PAPSS1: variants seen among roughly 807,000 people sequenced by gnomAD.
PAPSS1 encodes bifunctional 3'-phosphoadenosine 5'-phosphosulfate synthase 1.
In PAPSS1, 50 loss-of-function variants were observed where a neutral mutation model predicts 72.0. That is an observed-to-expected ratio of 0.69 (90% CI 0.55 to 0.88). PAPSS1 has a LOEUF of 0.88. PAPSS1 is among the 40% of genes least tolerant of loss of function. The pLI is 0.00. For synonymous variants in PAPSS1, 261 were observed against 263.6 expected (o/e 0.99, Z 0.09); for missense variants, 657 against 782.2 (o/e 0.84, Z 1.91).
intron 1 of PAPSS1, among the ~76,000 whole-genome samples, chr4:107,705,296 G>A (rs1356480149): frequency 6.6e-6 from 1 of 152,188 alleles, no homozygotes; most frequent in Non-Finnish European, 1.5e-5. Context: ...ATGTGTGGAG[G>A]GAGCGACATG....
chr4:107,652,783 T>C lies in PAPSS1; in HGVS notation c.1237+708A>G, dbSNP rs372861262. 5.9e-5 allele frequency among the ~76,000 whole-genome samples: 9 copies of C among 152,234 alleles called. No homozygotes were observed. The East Asian group carries it at 9.6e-4, about 16-fold the overall frequency. ...TGATTCTTCCTTGTTAAGTTTCTTT[T>C]ACTTCTGTAATTCTATACCAAAAAT... On this transcript the variant is annotated intron_variant, in intron 9 of 11. Transcript: ENST00000265174.
Position 107,684,743 on chromosome 4 carries a change from A to G in PAPSS1, c.550+2296T>C, listed in dbSNP as rs542213300. 1.8e-4 allele frequency among the ~76,000 whole-genome samples: 27 copies of G among 152,086 alleles called. No individual in the cohort carries two copies. The East Asian group carries it at 2.9e-3, about 16-fold the overall frequency. On this transcript the variant is annotated intron_variant, in intron 4 of 11. Transcript: ENST00000265174. ...GCACCACCTGGCTTTGAGTTGTCCC[A>G]CCTTTCTGGACCAAACCAATGTATT...
chr4:107,690,473 C>T (rs1036665820), intron 3 of PAPSS1, among the ~76,000 whole-genome samples: 1 of 152,168 alleles, frequency 6.6e-6, no homozygotes, highest in Non-Finnish European at 1.5e-5. Flanking sequence ...CTCATAACAC[C>T]TTTCACATAT....
At chr4:107,671,260 GTT>G (rs892537497) in intron 5 of PAPSS1, among the ~76,000 whole-genome samples, 1 of 142,924 alleles carries the variant, frequency 7.0e-6, no homozygotes, top group Admixed American at 7.0e-5. Flanking sequence ...TCAAAATCAA[GTT>G]TTTTTTTTTC....
chr4:107,638,385 A>G (rs1450362294), intron 10 of PAPSS1, among the ~76,000 whole-genome samples: 1 of 152,190 alleles, frequency 6.6e-6, no homozygotes, highest in South Asian at 2.1e-4. Flanking sequence ...ATTTCCCCAA[A>G]ATTTCCTTTA....
chr4:107,613,925 G>T lies in PAPSS1; in HGVS notation c.*324C>A. ...AAGGGGAAAAAAAGCAAGATTTAATGTGAATACTACTGGTTACAACTAATA... is the reference window on the plus strand; with the variant it reads ...AAGGGGAAAAAAAGCAAGATTTAATTTGAATACTACTGGTTACAACTAATA... On this transcript the variant is annotated 3_prime_UTR_variant, in exon 12 of 12. Transcript: ENST00000265174. 1.8e-5 allele frequency: 3 copies of T among 169,500 alleles called. No homozygotes were observed. The highest frequency in any genetic ancestry group is 2.5e-5 in the Non-Finnish European group (2 of 79,976). 10.5% of individuals were successfully genotyped at this position (169,500 alleles called of 1,614,324 possible). A position where few individuals can be genotyped will look rare whatever the true frequency, so the allele number is the denominator to read the frequency against.
At chr4:107,627,875 T>C (rs1726138303) in intron 11 of PAPSS1, among the ~76,000 whole-genome samples, 1 of 152,168 alleles carries the variant, frequency 6.6e-6, no homozygotes, top group South Asian at 2.1e-4. Context: ...ATAGTATATA[T>C]ACACATACAT....
At chr4:107,662,552 T>C (rs182572617) in intron 5 of PAPSS1, among the ~76,000 whole-genome samples, 6 of 149,688 alleles carry the variant, frequency 4.0e-5, no homozygotes, top group Admixed American at 2.0e-4. Flanking sequence ...CAGTGACAAC[T>C]AAATATACAT....
intron 11 of PAPSS1, among the ~76,000 whole-genome samples, chr4:107,621,608 C>CCTT (rs1725955963): frequency 2.1e-5 from 1 of 48,148 alleles, no homozygotes; most frequent in Non-Finnish European, 3.9e-5. Context: ...GGTTTTTTAT[C>CCTT]TTTTTTTTTT....
chr4:107,619,059 G>T (rs1045820815), intron 11 of PAPSS1, among the ~76,000 whole-genome samples: 2 of 151,984 alleles, frequency 1.3e-5, no homozygotes, highest in Admixed American at 1.3e-4. Flanking sequence ...TTAAACTCTG[G>T]TTTCAAAAAA....
chr4:107,710,109 G>T (rs941054317), intron 1 of PAPSS1, among the ~76,000 whole-genome samples: 2 of 152,158 alleles, frequency 1.3e-5, no homozygotes, highest in African/African-American at 4.8e-5. Context: ...TAATTCTGCT[G>T]AGGAAACATG....
At chr4:107,644,019 T>C (rs2110310976) in intron 10 of PAPSS1, among the ~76,000 whole-genome samples, 1 of 152,248 alleles carries the variant, frequency 6.6e-6, no homozygotes, top group African/African-American at 2.4e-5. Flanking sequence ...AAGTCTAATG[T>C]GAGATGGCAA....
intron 4 of PAPSS1, among the ~76,000 whole-genome samples, chr4:107,685,142 T>C (rs888495863): frequency 1.4e-4 from 22 of 152,148 alleles, no homozygotes; most frequent in Non-Finnish European, 2.8e-4. Flanking sequence ...CTTCAAATAT[T>C]TTACAAGAGT....
At chr4:107,635,083 C>A (rs189163124) in intron 10 of PAPSS1, among the ~76,000 whole-genome samples, 131 of 152,202 alleles carry the variant, frequency 8.6e-4, no homozygotes, top group Middle Eastern at 3.4e-3. Flanking sequence ...CAGGCGTGAG[C>A]CACCGCGCTT....
intron 9 of PAPSS1, among the ~76,000 whole-genome samples, chr4:107,649,107 C>G (rs1726774865): frequency 6.6e-6 from 1 of 152,242 alleles, no homozygotes; most frequent in South Asian, 2.1e-4. Context: ...TTCCCCTCCC[C>G]ATCTATTCTC....
chr4:107,713,469 T>G (rs1037274675), intron 1 of PAPSS1, among the ~76,000 whole-genome samples: 4 of 151,968 alleles, frequency 2.6e-5, no homozygotes, highest in Non-Finnish European at 4.4e-5. Context: ...CTTAAAAATA[T>G]GAAAGACAGG....
In PAPSS1 at chr4:107,614,349, C is replaced by T. The variant is rs999491751; in HGVS notation, c.1775G>A (p.Arg592His). The T allele has an allele frequency of 1.3e-5, 21 of 1,613,470 alleles. No individual in the cohort carries two copies. Among genetic ancestry groups the T allele is most frequent in the Admixed American group, 3.3e-5 (2 of 59,980 alleles). ...TTTCTGGCCTTCTCGAGCAAGTTTG[C>T]GCATTCGTGTTCCTGAAATAAATTC... ...DFEFISGTRM[R>H]KLAREGQKPP... is the part of the protein sequence containing the mutation. The change falls in exon 12 of 12, where the codon CGC becomes CAC. Residue 592 changes from arginine to histidine, a missense_variant. By Grantham distance (29) the Arg-to-His change is conservative. This residue lies in a region of PAPSS1 where 103 missense variants were observed against 93.8 expected (regional missense o/e 1.10). Transcript: ENST00000265174.
intron 11 of PAPSS1, among the ~76,000 whole-genome samples, chr4:107,617,197 G>C (rs1353799214): frequency 1.3e-5 from 2 of 148,710 alleles, no homozygotes; most frequent in African/African-American, 5.0e-5. Context: ...GGGTTTATAT[G>C]AGTCTTCGGC....
intron 8 of PAPSS1, 145 bp downstream of exon 8, chr4:107,654,550 A>C: frequency 1.4e-6 from 1 of 708,992 alleles, no homozygotes; most frequent in Non-Finnish European, 2.5e-6. Context: ...GAGCATAAAC[A>C]CTCATCACAA....
Sources: allele counts gnomAD v4.1 joint callset (sites outside exome capture counted in the v4.1 genomes callset), GRCh38; gene constraint gnomAD v4.1.1; regional missense constraint gnomAD v4.1.1; transcripts MANE v1.5; gene names NCBI Gene and HGNC (gene_info 2026-07-23, HGNC 2026-07-21).